CA8: variants seen among roughly 807,000 people sequenced by gnomAD.
CA8 encodes the protein carbonic anhydrase-related protein.
A neutral mutation model predicts 41.4 loss-of-function variants in CA8; 22 were observed. The observed-to-expected ratio is 0.53, with a 90% CI of 0.38 to 0.76. The LOEUF (loss-of-function observed/expected upper bound fraction) is 0.76. Ranked by LOEUF, CA8 falls within the 30% of genes least tolerant of loss-of-function variation. The probability of loss-of-function intolerance (pLI) is 0.00; values close to 1 mark genes in which losing one functional copy is unlikely to be tolerated. For missense variants in CA8, 270 were observed against 352.8 expected (o/e 0.77, Z 1.88); for synonymous variants, 121 against 130.6 (o/e 0.93, Z 0.50).
chr8:60,221,544 T>C (rs993213940), intron 7 of CA8, among the ~76,000 whole-genome samples: 1 of 152,202 alleles, frequency 6.6e-6, no homozygotes, highest in Non-Finnish European at 1.5e-5. Flanking sequence ...CCTCCACAGT[T>C]GTTTTTCTCA....
intron 8 of CA8, among the ~76,000 whole-genome samples, chr8:60,207,061 T>A (rs1363815479): frequency 2.0e-5 from 3 of 152,174 alleles, no homozygotes; most frequent in Non-Finnish European, 4.4e-5. Flanking sequence ...TCCTATGGCC[T>A]TTAGCCTGCT....
At chr8:60,275,209 G>T (rs1168155802) in intron 2 of CA8, among the ~76,000 whole-genome samples, 1 of 152,150 alleles carries the variant, frequency 6.6e-6, no homozygotes, top group Non-Finnish European at 1.5e-5. Flanking sequence ...GTACTGTGAA[G>T]CCCAACAGCC....
intron 8 of CA8, among the ~76,000 whole-genome samples, chr8:60,206,102 A>G (rs1806567926): frequency 6.6e-6 from 1 of 152,348 alleles, no homozygotes; most frequent in East Asian, 1.9e-4. Flanking sequence ...ATTCATAAAA[A>G]AATGAAATAA....
At chr8:60,198,429 T>TATCATATAATATCATAG in intron 8 of CA8, among the ~76,000 whole-genome samples, 1 of 152,320 alleles carries the variant, frequency 6.6e-6, no homozygotes, top group South Asian at 2.1e-4. Context: ...TAGAAGTTGG[T>TATCATATAATATCATAG]AATATTATAA....
Position 60,232,373 on chromosome 8 carries a change from G to A in CA8, c.424C>T (p.Leu142=). The change falls in exon 4 of 9, where the codon CTG becomes TTG. Residue 142 remains leucine, a synonymous_variant. Coordinates refer to ENST00000317995, the MANE Select transcript of CA8 (RefSeq NM_004056.6). The part of the protein sequence containing the change: ...NFKAFPMELH[L]IHWNSTLFGS... ...AACAGAGTGGAGTTCCAGTGGATCA[G>A]ATGGAGCTGAGTGAGTGGCAACAGA... 2 of 1,612,392 alleles carry A rather than the reference G, an allele frequency of 1.2e-6. No individual in the cohort carries two copies. The highest frequency in any genetic ancestry group is 1.7e-6 in the Non-Finnish European group (2 of 1,178,384).
At chr8:60,219,929 T>TAAAAAAAAAAAAAAAAAAAAAAA (rs546162939) in intron 7 of CA8, among the ~76,000 whole-genome samples, 2 of 82,014 alleles carry the variant, frequency 2.4e-5, no homozygotes, top group African/African-American at 4.8e-5. Flanking sequence ...AATCTTAACT[T>TAAAAAAAAAAAAAAAAAAAAAAA]AAAAAAAAAA....
intron 3 of CA8, among the ~76,000 whole-genome samples, chr8:60,255,507 C>T (rs1048566573): frequency 6.6e-6 from 1 of 152,132 alleles, no homozygotes; most frequent in Admixed American, 6.5e-5. Context: ...AACTCTGGAG[C>T]CAAATAAACT....
intron 3 of CA8, among the ~76,000 whole-genome samples, chr8:60,244,957 T>C (rs766944835): frequency 1.2e-4 from 18 of 152,296 alleles, no homozygotes; most frequent in Non-Finnish European, 2.2e-4. Context: ...CTAAGTGACC[T>C]TGGGCAACTA....
chr8:60,202,602 T>C (rs1003398863), intron 8 of CA8, among the ~76,000 whole-genome samples: 6 of 152,226 alleles, frequency 3.9e-5, no homozygotes, highest in African/African-American at 9.6e-5. Flanking sequence ...GTGTCTAAGA[T>C]AGCTTAACAA....
chr8:60,231,805 A>G (rs1333110154), intron 4 of CA8, among the ~76,000 whole-genome samples: 1 of 152,210 alleles, frequency 6.6e-6, no homozygotes, highest in Non-Finnish European at 1.5e-5. Flanking sequence ...TATATTGACT[A>G]TATCTGCCAA....
At chr8:60,194,864 C>A (rs986159110) in intron 8 of CA8, among the ~76,000 whole-genome samples, 1 of 152,232 alleles carries the variant, frequency 6.6e-6, no homozygotes, top group South Asian at 2.1e-4. Flanking sequence ...AAAAAAAAAT[C>A]TCTTTCCTGT....
At chr8:60,236,219 C>T (rs1414229785) in intron 3 of CA8, among the ~76,000 whole-genome samples, 2 of 152,142 alleles carry the variant, frequency 1.3e-5, no homozygotes, top group East Asian at 3.9e-4. Context: ...GACTGAGGTC[C>T]CCCAAGGGAG....
At position 60,189,414 on chromosome 8, in the gene CA8, T is replaced by C. The variant is rs1375816535; in HGVS notation, c.*607A>G. The C allele has an allele frequency of 1.3e-5, 2 of 152,160 alleles. No individual in the cohort carries two copies. The highest frequency in any genetic ancestry group is 2.9e-5 in the Non-Finnish European group (2 of 68,022). The allele number at this position is 152,160 out of a possible 1,614,324, so 9.4% of individuals were successfully genotyped here. ...GTAGTAATACCTAAAGTGAGTATTA[T>C]GTTGCTGCATTAATGCCAAAAAATG... On this transcript the variant is annotated 3_prime_UTR_variant, in exon 9 of 9. Transcript: ENST00000317995.
chr8:60,229,967 G>T (rs1807583478), intron 4 of CA8, among the ~76,000 whole-genome samples: 1 of 152,128 alleles, frequency 6.6e-6, no homozygotes, highest in Non-Finnish European at 1.5e-5. Context: ...ACCATACCCT[G>T]TCCTGTATGA....
At chr8:60,258,867 C>T (rs1803642493) in intron 3 of CA8, among the ~76,000 whole-genome samples, 1 of 152,162 alleles carries the variant, frequency 6.6e-6, no homozygotes, top group Non-Finnish European at 1.5e-5. Context: ...GCTCACTGGC[C>T]CACCACTCAC....
At chr8:60,249,951 A>G (rs1379712542) in intron 3 of CA8, among the ~76,000 whole-genome samples, 1 of 152,178 alleles carries the variant, frequency 6.6e-6, no homozygotes, top group East Asian at 1.9e-4. Context: ...TTTAGCGACA[A>G]TCATAATACG....
At chr8:60,232,202 A>C in intron 4 of CA8, 82 bp downstream of exon 4, 1 of 1,032,120 alleles carries the variant, frequency 9.7e-7, no homozygotes, top group Non-Finnish European at 1.5e-6. Flanking sequence ...CTAAGCAATA[A>C]AATTGAGAAT....
intron 7 of CA8, among the ~76,000 whole-genome samples, chr8:60,214,617 A>T (rs1383383340): frequency 1.3e-5 from 2 of 152,156 alleles, no homozygotes; most frequent in African/African-American, 2.4e-5. Context: ...CCTGAGAAAG[A>T]CTTGCTGCTT....
chr8:60,223,171 T>C (rs529247846), intron 6 of CA8, among the ~76,000 whole-genome samples: 48 of 152,368 alleles, frequency 3.2e-4, no homozygotes, highest in African/African-American at 1.2e-3. Flanking sequence ...GTAATATTAA[T>C]GTTATATTTC....
Sources: gnomAD v4.1 joint callset for allele counts (sites outside exome capture counted in the v4.1 genomes callset) on GRCh38, gnomAD v4.1.1 for gene constraint, MANE v1.5 for transcripts, NCBI Gene and HGNC (gene_info 2026-07-23, HGNC 2026-07-21) for gene names.